The following AHCY variants were observed in gnomAD, a reference collection of about 807,000 sequenced individuals.
The protein encoded by AHCY is adenosylhomocysteinase, also known as S-adenosyl-L-homocysteine hydrolase.
In AHCY, 24 loss-of-function variants were observed where a neutral mutation model predicts 45.4. That is an observed-to-expected ratio of 0.53 (90% CI 0.38 to 0.74). The LOEUF (loss-of-function observed/expected upper bound fraction) is 0.74. AHCY is among the 30% of genes least tolerant of loss of function. The pLI, the probability that AHCY is intolerant of heterozygous loss-of-function variation, is 0.00. For missense variants in AHCY, 449 were observed against 594.1 expected (o/e 0.76, Z 2.54); for synonymous variants, 245 against 235.1 (o/e 1.04, Z -0.39).
chr20:34,270,676 G>C, the AHCY span, among the ~76,000 whole-genome samples: 1 of 152,206 alleles, frequency 6.6e-6, no homozygotes, highest in African/African-American at 2.4e-5. Flanking sequence ...AGCACCTAGT[G>C]TGTGCCAGGT....
At chr20:34,235,962 A>AAGG in the AHCY span, among the ~76,000 whole-genome samples, 2 of 83,852 alleles carry the variant, frequency 2.4e-5, 1 homozygote, top group African/African-American at 5.2e-4. Flanking sequence ...GGAAGGAAGG[A>AAGG]AGGAGGGAGG....
At chr20:34,280,068 G>A (rs1032742503), downstream of AHCY, among the ~76,000 whole-genome samples, 1 of 152,136 alleles carries the variant, frequency 6.6e-6, no homozygotes, top group African/African-American at 2.4e-5. Context: ...CTCCAGCCTG[G>A]GTGACGGAGC....
chr20:34,301,300 C>G (rs2036763475), intron 1 of AHCY, among the ~76,000 whole-genome samples: 1 of 151,884 alleles, frequency 6.6e-6, no homozygotes. Context: ...TCCACCACCA[C>G]ATGTCCCTCC....
chr20:34,255,972 C>T, the AHCY span, among the ~76,000 whole-genome samples: 1 of 152,258 alleles, frequency 6.6e-6, no homozygotes, highest in African/African-American at 2.4e-5. Flanking sequence ...GGCCCACCCG[C>T]AGCCTCCAGA....
chr20:34,293,772 C>A (rs2036481008), intron 3 of AHCY: 2 of 441,644 alleles, frequency 4.5e-6, no homozygotes, highest in Non-Finnish European at 8.4e-6. Flanking sequence ...CTCCCCAGTT[C>A]TTTGGAAAGA....
At chr20:34,248,133 G>A in the AHCY span, among the ~76,000 whole-genome samples, 1 of 152,072 alleles carries the variant, frequency 6.6e-6, no homozygotes, top group African/African-American at 2.4e-5. Context: ...TTGAACCCGG[G>A]AGGTGAAGGT....
rs572737066 is a variant in AHCY, at chr20:34,309,783, A to G, written c.-57+1689T>C. Reference sequence around the variant, plus strand: ...GCTACAAGAGCAAGACTCTGTCTCAAAATAAATAAGTGAATTAATTAATTA... The same window carrying G: ...GCTACAAGAGCAAGACTCTGTCTCAGAATAAATAAGTGAATTAATTAATTA... On this transcript the variant is annotated intron_variant, in intron 1 of 9. Coordinates refer to the AHCY transcript ENST00000538132. 4.6e-5 allele frequency among the ~76,000 whole-genome samples: 7 copies of G among 152,298 alleles called. No individual in the cohort carries two copies. The South Asian group carries it at 1.5e-3, about 32-fold the overall frequency.
chr20:34,302,009 T>TG lies in AHCY; in HGVS notation c.28+1233_28+1234insC, dbSNP rs920997602. On this transcript the variant is annotated intron_variant, in intron 1 of 9. Transcript: ENST00000217426. Reference sequence around the variant, plus strand: ...TTAATAGTGTCTTTTTTTGTTTGTTTTTTTTTTTTGAGACAGGGTCTTGCT... The same window carrying TG: ...TTAATAGTGTCTTTTTTTGTTTGTTTGTTTTTTTTTGAGACAGGGTCTTGCT... 6.5e-4 allele frequency: 640 copies of TG among 984,018 alleles called. 1 individual carries two copies. Among genetic ancestry groups the TG allele is most frequent in the African/African-American group, 2.7e-3 (153 of 57,210 alleles). 61.0% of individuals were successfully genotyped at this position (984,018 alleles called of 1,614,324 possible). A position where few individuals can be genotyped will look rare whatever the true frequency, so the allele number is the denominator to read the frequency against.
chr20:34,235,668 C>T, the AHCY span, among the ~76,000 whole-genome samples: 1 of 151,438 alleles, frequency 6.6e-6, no homozygotes, highest in Non-Finnish European at 1.5e-5. Context: ...CCTGTGGCCC[C>T]TACTACTCAG....
intron 1 of AHCY, among the ~76,000 whole-genome samples, chr20:34,299,735 A>G (rs946149519): frequency 6.6e-6 from 1 of 152,084 alleles, no homozygotes; most frequent in African/African-American, 2.4e-5. Context: ...CAATCTTCCC[A>G]TTTTAGGAAA....
chr20:34,269,946 TAAAAAAAAAAA>T, the AHCY span, among the ~76,000 whole-genome samples: 1,252 of 59,284 alleles, frequency 0.021, 35 homozygotes, highest in African/African-American at 0.095. Context: ...AACTCTGTCT[TAAAAAAAAAAA>T]AAAAAAAAAA....
intron 1 of AHCY, among the ~76,000 whole-genome samples, chr20:34,309,748 T>G (rs2036929451): frequency 1.3e-5 from 2 of 152,076 alleles, no homozygotes; most frequent in African/African-American, 4.8e-5. Flanking sequence ...GCCATTGCAC[T>G]CCAGCCTGGG....
chr20:34,270,633 C>T, the AHCY span, among the ~76,000 whole-genome samples: 1 of 152,200 alleles, frequency 6.6e-6, no homozygotes, highest in Admixed American at 6.5e-5. Flanking sequence ...GAAGACCAAC[C>T]CATTCATTCA....
chr20:34,262,691 C>T, the AHCY span: 3 of 857,218 alleles, frequency 3.5e-6, no homozygotes, highest in African/African-American at 5.0e-5. Context: ...TGGCTTGAGT[C>T]CTACAGTGTG....
chr20:34,309,832 AAG>A (rs777784494), intron 1 of AHCY, among the ~76,000 whole-genome samples: 6 of 151,520 alleles, frequency 4.0e-5, no homozygotes, highest in Non-Finnish European at 5.9e-5. Flanking sequence ...GAGAAAAGAA[AAG>A]AGAGAGGAGG....
intron 9 of AHCY, 46 bp downstream of exon 9, chr20:34,285,394 G>A (rs1372384474): frequency 4.4e-6 from 7 of 1,607,548 alleles, no homozygotes; most frequent in East Asian, 4.5e-5. Context: ...GGGGATCCCA[G>A]GATTAGACAC....
chr20:34,246,763 C>T, the AHCY span, among the ~76,000 whole-genome samples: 2 of 152,090 alleles, frequency 1.3e-5, no homozygotes, highest in Non-Finnish European at 1.5e-5. Flanking sequence ...GGGCCTTCAT[C>T]TTTTATATTT....
intron 1 of AHCY, chr20:34,301,733 A>C: frequency 1.2e-6 from 1 of 831,388 alleles, no homozygotes; most frequent in African/African-American, 1.9e-5. Context: ...TTCCAGCTCT[A>C]CTATTGATGT....
chr20:34,269,302 C>A, the AHCY span: 1 of 1,154,770 alleles, frequency 8.7e-7, no homozygotes. Flanking sequence ...TTCAGGGAGA[C>A]CTGGCTTGGG....
Sources: gnomAD v4.1 joint callset for allele counts (sites outside exome capture counted in the v4.1 genomes callset) on GRCh38, gnomAD v4.1.1 for gene constraint, MANE v1.5 for transcripts, NCBI Gene and HGNC (gene_info 2026-07-23, HGNC 2026-07-21) for gene names.